The following PRKDC variants were observed in gnomAD, a reference collection of about 807,000 sequenced individuals.
PRKDC encodes the protein DNA-dependent protein kinase catalytic subunit.
In PRKDC, 82 loss-of-function variants were observed where a neutral mutation model predicts 486.9. The ratio of observed to expected loss-of-function variants is 0.17; its 90% CI spans 0.14 to 0.20. PRKDC has a LOEUF of 0.20. Ranked by LOEUF, PRKDC falls within the 10% of genes least tolerant of loss-of-function variation. The pLI is 1.00. For synonymous variants in PRKDC, 1,895 were observed against 1,837.0 expected (o/e 1.03, Z -0.81); for missense variants, 4,504 against 5,038.2 (o/e 0.89, Z 3.21).
chr8:47,886,100 C>T lies in PRKDC; in HGVS notation c.4620G>A (p.Thr1540=), dbSNP rs761425848. Residue 1540 remains threonine, a synonymous_variant, in exon 36 of 86, where the codon ACG becomes ACA. Transcript: ENST00000314191. ...TGCCCTGTGAGCTGCCCAAGGACGC[C>T]GTGGACAGCACCGCTGGGTTCAGGA... ...SLLLNPAVLS[T]ASLGSSQGSV... 1.1e-5 allele frequency: 17 copies of T among 1,613,278 alleles called. No individual in the cohort carries two copies. Among genetic ancestry groups the T allele is most frequent in the South Asian group, 9.9e-5 (9 of 91,064 alleles).
intron 40 of PRKDC, among the ~76,000 whole-genome samples, chr8:47,875,731 T>C (rs1029376321): frequency 3.3e-5 from 5 of 152,236 alleles, no homozygotes; most frequent in Non-Finnish European, 5.9e-5. Context: ...CCTTGTGTTG[T>C]TGAATTCTAA....
In PRKDC at chr8:47,904,766, C is replaced by T. The variant is rs1589781152; in HGVS notation, c.3042+103G>A. 4.4e-6 allele frequency: 4 copies of T among 902,334 alleles called. No individual in the cohort carries two copies. In the East Asian group the frequency reaches 1.1e-4, roughly 24 times the overall value. The allele number at this position is 902,334 out of a possible 1,614,324, so 55.9% of individuals were successfully genotyped here. A position where few individuals can be genotyped will look rare whatever the true frequency, so the allele number is the denominator to read the frequency against. ...CAAGATCGTGCCACTGCATTCCAGCCTGGGCGACGGAGCAAGACTGTCTCA... is the reference window on the plus strand; with the variant it reads ...CAAGATCGTGCCACTGCATTCCAGCTTGGGCGACGGAGCAAGACTGTCTCA... On this transcript the variant is annotated intron_variant, in intron 26 of 85. Coordinates refer to ENST00000314191, the MANE Select transcript of PRKDC (RefSeq NM_006904.7).
intron 17 of PRKDC, 45 bp downstream of exon 17, chr8:47,930,627 T>C: frequency 1.3e-6 from 2 of 1,505,792 alleles, no homozygotes; most frequent in South Asian, 2.5e-5. Flanking sequence ...AGCCAATAAC[T>C]AACAATCATT....
chr8:47,913,502 T>G (rs1289594195), intron 24 of PRKDC, among the ~76,000 whole-genome samples: 1 of 152,156 alleles, frequency 6.6e-6, no homozygotes, highest in Non-Finnish European at 1.5e-5. Flanking sequence ...GTTCAAACGA[T>G]TCTCCTGCCT....
intron 14 of PRKDC, 82 bp from the exon 15 acceptor site, chr8:47,934,172 A>T (rs2090307165): frequency 6.9e-7 from 1 of 1,455,662 alleles, no homozygotes; most frequent in African/African-American, 1.4e-5. Context: ...GGTTTTCAGA[A>T]TTTTCTAAAT....
At chr8:47,846,326 G>A (rs1307365618) in intron 54 of PRKDC, among the ~76,000 whole-genome samples, 2 of 150,258 alleles carry the variant, frequency 1.3e-5, no homozygotes, top group Non-Finnish European at 2.9e-5. Flanking sequence ...TGAGGCAGGA[G>A]AATCGCTTAA....
intron 4 of PRKDC, among the ~76,000 whole-genome samples, chr8:47,955,569 T>C (rs1589819355): frequency 6.6e-6 from 1 of 151,206 alleles, no homozygotes; most frequent in South Asian, 2.1e-4. Flanking sequence ...CAATTCCTAA[T>C]AGCATTAGGT....
At chr8:47,825,687 C>A (rs934138159) in intron 63 of PRKDC, among the ~76,000 whole-genome samples, 3 of 152,004 alleles carry the variant, frequency 2.0e-5, no homozygotes, top group African/African-American at 7.3e-5. Flanking sequence ...TGTATGTTTA[C>A]CACTCCTGGA....
At position 47,903,430 on chromosome 8, in the gene PRKDC, AAG is replaced by A. The variant is rs1491052820; in HGVS notation, c.3043-637_3043-636del. On this transcript the variant is annotated intron_variant, in intron 26 of 85. Coordinates refer to ENST00000314191, the MANE Select transcript of PRKDC (RefSeq NM_006904.7). ...GAAAACGTACACTCAACAATGAATT[AAG>A]AGAGTTCTGCCTAACACTTCCAGTT... Among the ~76,000 whole-genome samples the A allele has an allele frequency of 2.9e-3, 441 of 152,392 alleles. 2 individuals carry two copies. The highest frequency in any genetic ancestry group is 0.01 in the African/African-American group (432 of 41,598).
At chr8:47,837,003 C>T (rs1342780559) in intron 57 of PRKDC, among the ~76,000 whole-genome samples, 3 of 152,114 alleles carry the variant, frequency 2.0e-5, no homozygotes, top group African/African-American at 4.8e-5. Flanking sequence ...AAAGCAATGG[C>T]GATCCTGACA....
At chr8:47,777,557 T>C (rs1286597211) in intron 84 of PRKDC, 129 bp downstream of exon 84, 4 of 1,075,632 alleles carry the variant, frequency 3.7e-6, no homozygotes, top group African/African-American at 3.2e-5. Flanking sequence ...CTTTGAGAAA[T>C]GCTGTACAAA....
At chr8:47,858,183 G>A (rs1223300487) in intron 48 of PRKDC, among the ~76,000 whole-genome samples, 1 of 149,498 alleles carries the variant, frequency 6.7e-6, no homozygotes, top group Non-Finnish European at 1.5e-5. Flanking sequence ...TTTCTCCCCC[G>A]CTCCACCCCC....
At chr8:47,932,726 G>A (rs924326069) in intron 16 of PRKDC, among the ~76,000 whole-genome samples, 1 of 151,880 alleles carries the variant, frequency 6.6e-6, no homozygotes, top group Non-Finnish European at 1.5e-5. Flanking sequence ...CATAAAATAA[G>A]ATTTCTGTCA....
chr8:47,833,574 A>T (rs1184836682), intron 59 of PRKDC, among the ~76,000 whole-genome samples: 2 of 152,094 alleles, frequency 1.3e-5, no homozygotes, highest in African/African-American at 4.8e-5. Flanking sequence ...AGAGAAGGGC[A>T]TTCAGTCCCC....
At chr8:47,793,967 A>T (rs1468938873) in intron 74 of PRKDC, among the ~76,000 whole-genome samples, 1 of 152,212 alleles carries the variant, frequency 6.6e-6, no homozygotes, top group African/African-American at 2.4e-5. Flanking sequence ...TAAAAGGAAG[A>T]GTCGTTCTGT....
At chr8:47,836,672 C>G (rs780821839) in intron 57 of PRKDC, 145 bp from the exon 58 acceptor site, 9 of 784,096 alleles carry the variant, frequency 1.1e-5, no homozygotes, top group South Asian at 2.4e-5. Context: ...GAAGAAGAAC[C>G]TTCTCTAATT....
rs376065323 is a variant in PRKDC at position 47,783,796 on chromosome 8, A to G, written c.11121T>C (p.Gly3707=). ...NELEIPGQYD[G]RGKPLPEYHV... ...GGTACTCTGGCAATGGCTTTCCCCT[A>G]CCGTCATACTGACCTAAAACAAACC... The change falls in exon 78 of 86, where the codon GGT becomes GGC. Residue 3707 remains glycine, a synonymous_variant. Transcript: ENST00000314191. 2.5e-6 allele frequency: 4 copies of G among 1,613,810 alleles called. No individual in the cohort carries two copies. The highest frequency in any genetic ancestry group is 2.7e-5 in the African/African-American group (2 of 74,888).
rs1026471317 is a variant in PRKDC, at chr8:47,958,594, A to C, written c.155-1163T>G. ...GAAGTGCTTTAGAAACAAGTTACTA[A>C]ACGAACAAAAATGAATTCTAAATTT... On this transcript the variant is annotated intron_variant, in intron 1 of 85. Coordinates refer to ENST00000314191, the MANE Select transcript of PRKDC (RefSeq NM_006904.7). Among the ~76,000 whole-genome samples the C allele has an allele frequency of 4.6e-5, 7 of 152,236 alleles. No homozygotes were observed. In the East Asian group the frequency reaches 1.3e-3, roughly 29 times the overall value.
intron 70 of PRKDC, among the ~76,000 whole-genome samples, chr8:47,801,979 T>C (rs1268871944): frequency 3.9e-5 from 6 of 152,208 alleles, no homozygotes; most frequent in Non-Finnish European, 7.3e-5. Flanking sequence ...GGTATATGGA[T>C]ACTAATATTA....
Sources: gnomAD v4.1 joint callset for allele counts (sites outside exome capture counted in the v4.1 genomes callset) on GRCh38, gnomAD v4.1.1 for gene constraint, MANE v1.5 for transcripts, NCBI Gene and HGNC (gene_info 2026-07-23, HGNC 2026-07-21) for gene names.